The following AFAP1L1 variants were observed in gnomAD, a reference collection of about 807,000 sequenced individuals.
AFAP1L1 encodes actin filament-associated protein 1-like 1.
In AFAP1L1, 77 loss-of-function variants were observed where a neutral mutation model predicts 99.8. That is an observed-to-expected ratio of 0.77 (90% CI 0.64 to 0.93). The LOEUF (loss-of-function observed/expected upper bound fraction) is 0.93. Among genes scored for constraint, AFAP1L1 ranks in the 40% least tolerant of loss-of-function variants. The probability of loss-of-function intolerance (pLI) is 0.00; values close to 1 mark genes in which losing one functional copy is unlikely to be tolerated. For synonymous variants in AFAP1L1, 373 were observed against 395.3 expected, an observed-to-expected ratio of 0.94 and a Z score of 0.67; for missense variants, 893 against 996.8, an observed-to-expected ratio of 0.90 and a Z score of 1.40.
Position 149,332,690 on chromosome 5 carries a change from T to A in AFAP1L1, c.1976-5T>A, listed in dbSNP as rs776669485. The A allele has an allele frequency of 4.3e-5, 69 of 1,608,692 alleles. No individual in the cohort carries two copies. The Admixed American group carries it at 9.8e-4, about 23-fold the overall frequency. On this transcript the variant is annotated splice_region_variant and splice_polypyrimidine_tract_variant and intron_variant, in intron 16 of 18. Transcript: ENST00000296721. ...GCTTTTTCTTATCAATGTCTCTTGA[T>A]TCAGGAGCAAAATTAAAGGCTCTGG...
chr5:149,286,675 T>C (rs1189876929), intron 1 of AFAP1L1, among the ~76,000 whole-genome samples: 1 of 152,234 alleles, frequency 6.6e-6, no homozygotes, highest in Non-Finnish European at 1.5e-5. Flanking sequence ...TTAATCACAA[T>C]TTACTGATTT....
Position 149,329,729 on chromosome 5 carries a change from A to G in AFAP1L1, c.1874A>G (p.Glu625Gly), listed in dbSNP as rs199896142. 174 of 1,614,032 alleles carry G rather than the reference A, an allele frequency of 1.1e-4. 1 individual carries two copies. The highest frequency in any genetic ancestry group is 9.9e-4 in the Middle Eastern group (6 of 6,084). The change falls in exon 16 of 19, where the codon GAA (glutamate) becomes GGA (glycine). Residue 625 changes from glutamate to glycine, a missense_variant. Coordinates refer to ENST00000296721, the MANE Select transcript of AFAP1L1 (RefSeq NM_152406.4). ...AEEDARRYLV[E>G]KEKLEKEKET... ...GAGGATGCCCGGAGGTACTTGGTAG[A>G]AAAAGAGAAGCTGGAGAAAGAGAAA...
chr5:149,308,804 C>T (rs1756517239), intron 7 of AFAP1L1, among the ~76,000 whole-genome samples: 1 of 151,998 alleles, frequency 6.6e-6, no homozygotes, highest in South Asian at 2.1e-4. Flanking sequence ...AAAGGGAAGT[C>T]ACTGTTAAGG....
chr5:149,328,573 C>A (rs1055219765), intron 15 of AFAP1L1, among the ~76,000 whole-genome samples: 2 of 152,172 alleles, frequency 1.3e-5, no homozygotes, highest in African/African-American at 4.8e-5. Context: ...CTTTGGGAGG[C>A]TGAGGCAGGC....
rs1756460080 is a variant in AFAP1L1, at chr5:149,307,554, A to G, written c.688A>G (p.Lys230Glu). The G allele has an allele frequency of 2.5e-6, 4 of 1,613,652 alleles. No individual in the cohort carries two copies. The highest frequency in any genetic ancestry group is 3.4e-6 in the Non-Finnish European group (4 of 1,179,920). ...CAGGATATGTGCCTTCCTGCTGCGGAAAAAGCGTTTCGGGCAGTGGGCCAA... is the reference window on the plus strand; with the variant it reads ...CAGGATATGTGCCTTCCTGCTGCGGGAAAAGCGTTTCGGGCAGTGGGCCAA... ...ECRICAFLLR[K>E]KRFGQWAKQL... Residue 230 changes from lysine to glutamate, a missense_variant, in exon 7 of 19, where the codon AAA (lysine) becomes GAA (glutamate). Coordinates refer to ENST00000296721, the MANE Select transcript of AFAP1L1 (RefSeq NM_152406.4).
intron 1 of AFAP1L1, among the ~76,000 whole-genome samples, chr5:149,277,440 G>A (rs1468298023): frequency 1.3e-5 from 2 of 152,168 alleles, no homozygotes; most frequent in Non-Finnish European, 2.9e-5. Context: ...CCATTGACCA[G>A]GCAGCCTGTA....
At chr5:149,333,784 C>T (rs1757324962) in intron 17 of AFAP1L1, among the ~76,000 whole-genome samples, 1 of 152,192 alleles carries the variant, frequency 6.6e-6, no homozygotes, top group South Asian at 2.1e-4. Context: ...CCAGTGACAA[C>T]CAAAATATCT....
intron 1 of AFAP1L1, among the ~76,000 whole-genome samples, chr5:149,283,408 T>A (rs1755580114): frequency 2.0e-5 from 3 of 152,160 alleles, no homozygotes; most frequent in Admixed American, 2.0e-4. Context: ...AGTCAAAGTT[T>A]TGGAGAATTT....
At chr5:149,319,782 C>G in intron 13 of AFAP1L1, 55 bp downstream of exon 13, 4 of 1,591,146 alleles carry the variant, frequency 2.5e-6, no homozygotes, top group Non-Finnish European at 8.5e-7. Flanking sequence ...GTCTCCATCC[C>G]TCTCAGAGGC....
chr5:149,295,770 G>A (rs572940136), intron 1 of AFAP1L1, among the ~76,000 whole-genome samples: 2 of 152,298 alleles, frequency 1.3e-5, no homozygotes, highest in African/African-American at 2.4e-5. Flanking sequence ...GAGTTGCCTG[G>A]GGGCAGTCCC....
intron 2 of AFAP1L1, 95 bp from the exon 3 acceptor site, chr5:149,300,176 G>T (rs1756151593): frequency 2.5e-6 from 2 of 792,600 alleles, no homozygotes; most frequent in Non-Finnish European, 2.0e-6. Flanking sequence ...TGCAAAGTGA[G>T]CACTGTGTCC....
At chr5:149,336,839 A>G (rs1040626232) in intron 18 of AFAP1L1, among the ~76,000 whole-genome samples, 2 of 152,198 alleles carry the variant, frequency 1.3e-5, no homozygotes, top group African/African-American at 4.8e-5. Context: ...TTAAATTTCA[A>G]CATCAGTTTT....
At position 149,306,358 on chromosome 5, in the gene AFAP1L1, C is replaced by T. The variant is rs1280902244; in HGVS notation, c.489C>T (p.Asp163=). The stretch of plus-strand genomic sequence containing the variant: ...TGGATGGCTACTATGAGGACGCAGA[C>T]AGCAGCTACCCTGCAACCAGGGTGA... ...SIVDGYYEDA[D]SSYPATRVNG... The change falls in exon 6 of 19, where the codon GAC becomes GAT. Residue 163 remains aspartate (D), a synonymous_variant. Transcript: ENST00000296721. 6.2e-7 allele frequency: 1 copy of T among 1,613,588 alleles called. No individual in the cohort carries two copies. Among genetic ancestry groups the T allele is most frequent in the South Asian group, 1.1e-5 (1 of 90,886 alleles).
chr5:149,331,622 GAA>G (rs751022773), intron 16 of AFAP1L1, among the ~76,000 whole-genome samples: 2 of 123,454 alleles, frequency 1.6e-5, no homozygotes, highest in Non-Finnish European at 3.5e-5. Context: ...TCCGTCTCAA[GAA>G]AAAAAAAAAA....
At chr5:149,275,651 G>A (rs1043516502) in intron 1 of AFAP1L1, among the ~76,000 whole-genome samples, 1 of 152,036 alleles carries the variant, frequency 6.6e-6, no homozygotes, top group Non-Finnish European at 1.5e-5. Flanking sequence ...GACTACAGGC[G>A]TGCACCACCA....
chr5:149,335,583 G>A lies in AFAP1L1; in HGVS notation c.2155-11G>A. The A allele has an allele frequency of 6.2e-7, 1 of 1,611,830 alleles. No individual in the cohort carries two copies. Among genetic ancestry groups the A allele is most frequent in the Non-Finnish European group, 8.5e-7 (1 of 1,179,846 alleles). Reference sequence around the variant, plus strand: ...GATCTCACCTATATAATTATTTATTGCCATCAACAGGAAACTGCAAATAAA... The same window carrying A: ...GATCTCACCTATATAATTATTTATTACCATCAACAGGAAACTGCAAATAAA... On this transcript the variant is annotated splice_polypyrimidine_tract_variant and intron_variant, in intron 17 of 18. Coordinates refer to ENST00000296721, the MANE Select transcript of AFAP1L1 (RefSeq NM_152406.4).
At chr5:149,292,773 A>G (rs942370751) in intron 1 of AFAP1L1, among the ~76,000 whole-genome samples, 1 of 152,238 alleles carries the variant, frequency 6.6e-6, no homozygotes, top group Non-Finnish European at 1.5e-5. Context: ...AACTGGAGAC[A>G]TAGAGACAGT....
At chr5:149,324,326 A>C (rs1757036133) in intron 15 of AFAP1L1, among the ~76,000 whole-genome samples, 1 of 150,160 alleles carries the variant, frequency 6.7e-6, no homozygotes, top group Non-Finnish European at 1.5e-5. Flanking sequence ...CCTGGTGATG[A>C]CCATCTTTTT....
At chr5:149,324,010 C>G (rs946549927) in intron 15 of AFAP1L1, among the ~76,000 whole-genome samples, 1 of 152,208 alleles carries the variant, frequency 6.6e-6, no homozygotes, top group East Asian at 1.9e-4. Flanking sequence ...AGTGGAGCTA[C>G]TCTGGTTGAG....
Sources: gnomAD v4.1 joint callset for allele counts (sites outside exome capture counted in the v4.1 genomes callset) on GRCh38, gnomAD v4.1.1 for gene constraint, MANE v1.5 for transcripts, NCBI Gene and HGNC (gene_info 2026-07-23, HGNC 2026-07-21) for gene names.